GAS6: variants seen among roughly 807,000 people sequenced by gnomAD.
GAS6 encodes growth arrest specific 6.
GAS6 carries 41 observed loss-of-function variants against 75.8 expected under a neutral mutation model. The ratio of observed to expected loss-of-function variants is 0.54; its 90% CI spans 0.42 to 0.70. The LOEUF is 0.70. Among genes scored for constraint, GAS6 ranks in the 30% least tolerant of loss-of-function variants. The pLI, the probability that GAS6 is intolerant of heterozygous loss-of-function variation, is 0.00. For missense variants in GAS6, 854 were observed against 940.2 expected (o/e 0.91, Z 1.20); for synonymous variants, 432 against 412.6 (o/e 1.05, Z -0.57).
chr13:113,822,672 G>A (rs1167113386), intron 13 of GAS6: 1 of 154,780 alleles, frequency 6.5e-6, no homozygotes, highest in Non-Finnish European at 1.4e-5. Context: ...GTCTGGCCCT[G>A]GTAACGAGCA....
At chr13:113,861,459 T>TCA (rs2051970408) in intron 2 of GAS6, among the ~76,000 whole-genome samples, 1 of 152,180 alleles carries the variant, frequency 6.6e-6, no homozygotes, top group Admixed American at 6.5e-5. Flanking sequence ...TTTTCCTCAA[T>TCA]CAGCCGCACT....
In GAS6 at chr13:113,863,479, C is replaced by T. The variant is rs1309288050; in HGVS notation, c.255+96G>A. 7.2e-6 allele frequency: 9 copies of T among 1,245,450 alleles called. No homozygotes were observed. The African/African-American group carries it at 1.3e-4, about 18-fold the overall frequency. The allele number at this position is 1,245,450 out of a possible 1,614,324, so 77.1% of individuals were successfully genotyped here. On this transcript the variant is annotated intron_variant, in intron 2 of 14. Coordinates refer to ENST00000327773, the MANE Select transcript of GAS6 (RefSeq NM_000820.4). The surrounding 1 kb of genome is among the most constrained non-coding windows in gnomAD (Gnocchi z 9.4). ...GACCCTGAGGCCAGGCCTCGCCGCG[C>T]GGAGCTGGGGGGCGGCAGCAGCGCT...
Position 113,835,885 on chromosome 13 carries a change from G to A in GAS6, c.590-250C>T. 6.0e-6 allele frequency: 8 copies of A among 1,342,712 alleles called. 1 individual carries two copies. The highest frequency in any genetic ancestry group is 3.8e-6 in the Non-Finnish European group (4 of 1,048,214). 83.2% of individuals were successfully genotyped at this position (1,342,712 alleles called of 1,614,324 possible). A position where few individuals can be genotyped will look rare whatever the true frequency, so the allele number is the denominator to read the frequency against. On this transcript the variant is annotated intron_variant, in intron 6 of 14. Transcript: ENST00000327773. ...AGCCCAGCAGGTGGAGAGCTGGGAA[G>A]GGCCCTGCTTGGTGGAGGGGTGGGG...
At chr13:113,849,772 T>G (rs2051859581) in intron 2 of GAS6, among the ~76,000 whole-genome samples, 1 of 152,214 alleles carries the variant, frequency 6.6e-6, no homozygotes, top group African/African-American at 2.4e-5. Flanking sequence ...CCTATGGGAA[T>G]GGGGTTTCTG....
chr13:113,826,481 TCTCCC>T, intron 12 of GAS6, among the ~76,000 whole-genome samples: 1 of 117,326 alleles, frequency 8.5e-6, no homozygotes, highest in Non-Finnish European at 1.8e-5. Context: ...AGGCACCTTC[TCTCCC>T]CGGCCTCCCG....
At chr13:113,846,632 C>T (rs2051836044) in intron 3 of GAS6, 43 bp from the exon 4 acceptor site, 1 of 1,530,978 alleles carries the variant, frequency 6.5e-7, no homozygotes, top group Non-Finnish European at 9.1e-7. Flanking sequence ...CCTTACAAGA[C>T]CGGATGGACT....
intron 4 of GAS6, chr13:113,843,359 C>G (rs1172352983): frequency 6.6e-6 from 1 of 152,220 alleles, no homozygotes; most frequent in African/African-American, 2.5e-5. Flanking sequence ...GAAGCCGGTG[C>G]GGGCGGCCAG....
chr13:113,863,493 G>C lies in GAS6; in HGVS notation c.255+82C>G. On this transcript the variant is annotated intron_variant, in intron 2 of 14. Transcript: ENST00000327773. The surrounding 1 kb of genome is among the most constrained non-coding windows in gnomAD (Gnocchi z 9.4). ...GCCTCGCCGCGCGGAGCTGGGGGGC[G>C]GCAGCAGCGCTGCCTCTCGGGAGCG... 1.5e-6 allele frequency: 2 copies of C among 1,346,486 alleles called. No individual in the cohort carries two copies. The highest frequency in any genetic ancestry group is 3.4e-5 in the Admixed American group (1 of 29,294). The allele number at this position is 1,346,486 out of a possible 1,614,324, so 83.4% of individuals were successfully genotyped here. A position where few individuals can be genotyped will look rare whatever the true frequency, so the allele number is the denominator to read the frequency against.
chr13:113,853,463 TTG>T (rs2051891765), intron 2 of GAS6, among the ~76,000 whole-genome samples: 1 of 152,214 alleles, frequency 6.6e-6, no homozygotes, highest in African/African-American at 2.4e-5. Context: ...ATAAATCTTT[TTG>T]TGTGAGTTTC....
At chr13:113,838,846 G>A (rs2051746350) in intron 5 of GAS6, among the ~76,000 whole-genome samples, 1 of 149,562 alleles carries the variant, frequency 6.7e-6, no homozygotes, top group South Asian at 2.1e-4. Context: ...CCCAGCCCCC[G>A]AGCAGAGAGA....
At chr13:113,858,497 CTG>C (rs1056015800) in intron 2 of GAS6, among the ~76,000 whole-genome samples, 23 of 128,678 alleles carry the variant, frequency 1.8e-4, no homozygotes, top group South Asian at 9.7e-4. Context: ...GTATGCATGT[CTG>C]TGTGTGACTA....
In GAS6 at chr13:113,823,543, G is replaced by A. The variant is rs977758101; in HGVS notation, c.1485C>T (p.Thr495=). ...TTGATTCAGTCCCGACGTCCAGAGG[G>A]GTCCGCACTGCAATGAAAGCGGTGC... is the stretch of plus-strand genomic sequence containing the variant. ...FAFYSLDYMR[T]PLDVGTESTW... The change falls in exon 13 of 15, where the codon ACC becomes ACT. Residue 495 remains threonine (T), a synonymous_variant. Transcript: ENST00000327773. 1.2e-6 allele frequency: 2 copies of A among 1,610,046 alleles called. No individual in the cohort carries two copies. Among genetic ancestry groups the A allele is most frequent in the Non-Finnish European group, 1.7e-6 (2 of 1,178,206 alleles).
At chr13:113,832,863 G>C in intron 8 of GAS6, 111 bp from the exon 9 acceptor site, 1 of 1,562,412 alleles carries the variant, frequency 6.4e-7, no homozygotes, top group South Asian at 1.1e-5. Flanking sequence ...TGCCTCGGGA[G>C]TGGCCACCCC....
rs368510278 is a variant in GAS6, at chr13:113,846,664, C to T, written c.281-75G>A. ...GACTGCAGAGCCTCTGCTTCTGAGA[C>T]GCTCTGGAGAGGCAGTTACTCTGCT... On this transcript the variant is annotated intron_variant, in intron 3 of 14. Coordinates refer to ENST00000327773, the MANE Select transcript of GAS6 (RefSeq NM_000820.4). 87 of 1,254,756 alleles carry T rather than the reference C, an allele frequency of 6.9e-5. 1 individual carries two copies. Among genetic ancestry groups the T allele is most frequent in the South Asian group, 5.2e-4 (43 of 83,482 alleles). The allele number at this position is 1,254,756 out of a possible 1,614,324, so 77.7% of individuals were successfully genotyped here.
intron 2 of GAS6, among the ~76,000 whole-genome samples, chr13:113,859,598 T>C (rs569592745): frequency 6.6e-6 from 1 of 151,008 alleles, no homozygotes. Context: ...ACATGTCTGT[T>C]AGTATGTGTG....
chr13:113,826,234 C>A (rs2051536685), intron 12 of GAS6, among the ~76,000 whole-genome samples: 2 of 152,228 alleles, frequency 1.3e-5, no homozygotes, highest in South Asian at 4.1e-4. Flanking sequence ...GCTGTTTTTA[C>A]ACACCTCCCA....
chr13:113,839,885 G>C (rs9604573), intron 4 of GAS6, 35 bp from the exon 5 acceptor site: 1 of 1,612,714 alleles, frequency 6.2e-7, no homozygotes, highest in Admixed American at 1.7e-5. Context: ...ATCATGTTCA[G>C]CTGCCCCACC....
intron 8 of GAS6, chr13:113,833,121 C>T: frequency 1.1e-5 from 13 of 1,172,368 alleles, no homozygotes; most frequent in African/African-American, 1.6e-5. Flanking sequence ...AGATGGCTGT[C>T]CTGGAAAGTT....
chr13:113,847,778 C>A, intron 3 of GAS6: 1 of 529,554 alleles, frequency 1.9e-6, no homozygotes, highest in South Asian at 2.1e-5. Context: ...CTGGCATCAA[C>A]TCAGAGAAGG....
Sources: gnomAD v4.1 joint callset for allele counts (sites outside exome capture counted in the v4.1 genomes callset) on GRCh38, gnomAD v4.1.1 for gene constraint, Gnocchi (gnomAD v3.1) non-coding constraint, MANE v1.5 for transcripts, NCBI Gene and HGNC (gene_info 2026-07-23, HGNC 2026-07-21) for gene names.